Variants in TPRG1 observed in about 807,000 individuals in gnomAD.
TPRG1 encodes the protein tumor protein p63 regulated 1.
A neutral mutation model predicts 29.3 loss-of-function variants in TPRG1; 29 were observed. The observed-to-expected ratio is 0.99, with a 90% CI of 0.74 to 1.35. The LOEUF (loss-of-function observed/expected upper bound fraction) is 1.35. Ranked by LOEUF, TPRG1 falls within the 40% of genes most tolerant of loss-of-function variation. The pLI is 0.00. For missense variants in TPRG1, 327 were observed against 335.0 expected, an observed-to-expected ratio of 0.98 and a Z score of 0.19; for synonymous variants, 130 against 116.8, an observed-to-expected ratio of 1.11 and a Z score of -0.73.
intron 4 of TPRG1, among the ~76,000 whole-genome samples, chr3:189,088,849 G>A (rs562354552): frequency 9.2e-5 from 14 of 152,052 alleles, no homozygotes; most frequent in African/African-American, 2.2e-4. Context: ...TATCTTTTTC[G>A]TACATCAAAC....
chr3:189,258,746 G>A (rs1226405638), intron 4 of TPRG1, among the ~76,000 whole-genome samples: 2 of 152,162 alleles, frequency 1.3e-5, no homozygotes, highest in East Asian at 3.9e-4. Context: ...CAGCAGTTTT[G>A]CGGCGCTGCA....
intron 4 of TPRG1, among the ~76,000 whole-genome samples, chr3:189,056,524 T>C (rs1356783747): frequency 6.6e-6 from 1 of 152,130 alleles, no homozygotes; most frequent in African/African-American, 2.4e-5. Context: ...GAACTTCAAG[T>C]CTCCCTGCCA....
At chr3:189,125,846 T>TGTGC in intron 1 of TPRG1, among the ~76,000 whole-genome samples, 1 of 150,778 alleles carries the variant, frequency 6.6e-6, no homozygotes, top group Non-Finnish European at 1.5e-5. Flanking sequence ...TGTGTGTGTG[T>TGTGC]GTGTGTGTGT....
At position 189,307,054 on chromosome 3, in the gene TPRG1, G is replaced by A. The variant is rs568258966; in HGVS notation, c.480-3332G>A. Among the ~76,000 whole-genome samples, 14 of 152,192 alleles carry A rather than the reference G, an allele frequency of 9.2e-5. No individual in the cohort carries two copies. The South Asian group carries it at 1.9e-3, about 20-fold the overall frequency. On this transcript the variant is annotated intron_variant, in intron 4 of 5. Coordinates refer to ENST00000345063, the MANE Select transcript of TPRG1 (RefSeq NM_198485.4). ...TTCTTTTTGTTTGAGACAGAGTCTCGCTCTGTTGCCCAGGCTGAAGTGCAG... is the reference window on the plus strand; with the variant it reads ...TTCTTTTTGTTTGAGACAGAGTCTCACTCTGTTGCCCAGGCTGAAGTGCAG...
intron 3 of TPRG1, among the ~76,000 whole-genome samples, chr3:189,225,146 T>A (rs183802440): frequency 2.2e-4 from 34 of 152,250 alleles, no homozygotes; most frequent in African/African-American, 8.2e-4. Flanking sequence ...TTAGCCAGGA[T>A]GGTCTCGATC....
intron 1 of TPRG1, among the ~76,000 whole-genome samples, chr3:189,111,063 C>A (rs1314734978): frequency 1.3e-5 from 2 of 151,566 alleles, no homozygotes; most frequent in South Asian, 4.2e-4. Flanking sequence ...TTTTTCTCTG[C>A]CTTTCCTTGG....
chr3:189,118,865 T>C (rs1262978553), intron 1 of TPRG1, among the ~76,000 whole-genome samples: 2 of 152,204 alleles, frequency 1.3e-5, no homozygotes, highest in Non-Finnish European at 2.9e-5. Context: ...ATGGAGAACC[T>C]CTGCTACAGC....
intron 4 of TPRG1, among the ~76,000 whole-genome samples, chr3:189,302,370 G>A (rs183311196): frequency 1.3e-5 from 2 of 152,214 alleles, no homozygotes; most frequent in Admixed American, 1.3e-4. Flanking sequence ...AATTTCCCTG[G>A]ACTTCATGGA....
intron 3 of TPRG1, among the ~76,000 whole-genome samples, chr3:189,143,317 C>T (rs563452354): frequency 3.9e-5 from 6 of 152,182 alleles, no homozygotes; most frequent in Admixed American, 1.3e-4. Flanking sequence ...CTCCGAATGA[C>T]ATCTATATGC....
chr3:189,089,256 A>G (rs1718178931), intron 4 of TPRG1, among the ~76,000 whole-genome samples: 1 of 152,188 alleles, frequency 6.6e-6, no homozygotes, highest in Non-Finnish European at 1.5e-5. Context: ...GGATTCCTTT[A>G]ACAGAAATAC....
At chr3:189,043,952 A>C (rs962927544) in intron 4 of TPRG1, among the ~76,000 whole-genome samples, 7 of 152,164 alleles carry the variant, frequency 4.6e-5, no homozygotes, top group Non-Finnish European at 8.8e-5. Context: ...TAGTGAGACT[A>C]AGACAAATAA....
intron 3 of TPRG1, among the ~76,000 whole-genome samples, chr3:189,007,836 G>A (rs1373279703): frequency 7.3e-6 from 1 of 137,198 alleles, no homozygotes; most frequent in Admixed American, 7.6e-5. Flanking sequence ...TCATAGGTGG[G>A]AATTGAACAA....
At chr3:189,201,982 G>A (rs553739815) in intron 1 of TPRG1, among the ~76,000 whole-genome samples, 1 of 152,012 alleles carries the variant, frequency 6.6e-6, no homozygotes, top group African/African-American at 2.4e-5. Context: ...TGTTGTGAGA[G>A]GGAAAAACAC....
At chr3:189,070,632 G>A (rs780173597) in intron 4 of TPRG1, among the ~76,000 whole-genome samples, 14 of 152,036 alleles carry the variant, frequency 9.2e-5, no homozygotes, top group Non-Finnish European at 1.5e-4. Context: ...TTAAATCAAC[G>A]TATAGTAAGA....
intron 1 of TPRG1, 115 bp from the exon 2 acceptor site, chr3:189,207,261 G>A (rs1030794627): frequency 9.9e-5 from 143 of 1,447,118 alleles, no homozygotes; most frequent in Non-Finnish European, 1.1e-4. Flanking sequence ...TTAACATGAA[G>A]GATGTTTTTA....
At chr3:189,263,120 C>A (rs1199432420) in intron 4 of TPRG1, among the ~76,000 whole-genome samples, 2 of 152,256 alleles carry the variant, frequency 1.3e-5, no homozygotes, top group Non-Finnish European at 2.9e-5. Flanking sequence ...TGGGGAGGCT[C>A]TTCCAGAAGG....
At chr3:189,032,895 A>T (rs994797401) in intron 4 of TPRG1, among the ~76,000 whole-genome samples, 1 of 151,392 alleles carries the variant, frequency 6.6e-6, no homozygotes. Context: ...ATGATTTCCA[A>T]TTTCATCCAT....
chr3:189,158,711 A>T lies in TPRG1; in HGVS notation c.-10+7839A>T, dbSNP rs956663587. ...TCCTTCAGCCTTTCCATGACTGTGG[A>T]GTTTCACCATCCCCAGCCCATCTCG... On this transcript the variant is annotated intron_variant, in intron 5 of 6. Coordinates refer to the TPRG1 transcript ENST00000412373. 2.6e-5 allele frequency among the ~76,000 whole-genome samples: 4 copies of T among 152,124 alleles called. No individual in the cohort carries two copies. The East Asian group carries it at 7.7e-4, about 29-fold the overall frequency.
At chr3:189,100,502 T>C (rs1046051707) in intron 1 of TPRG1, among the ~76,000 whole-genome samples, 1 of 152,212 alleles carries the variant, frequency 6.6e-6, no homozygotes, top group African/African-American at 2.4e-5. Context: ...TATATGTCTC[T>C]AACTGTCACA....
Sources: allele counts gnomAD v4.1 joint callset (sites outside exome capture counted in the v4.1 genomes callset), GRCh38; gene constraint gnomAD v4.1.1; transcripts MANE v1.5; gene names NCBI Gene and HGNC (gene_info 2026-07-23, HGNC 2026-07-21).